SPON1: variants seen among roughly 807,000 people sequenced by gnomAD.
SPON1 encodes the protein spondin-1.
In SPON1, 52 loss-of-function variants were observed where a neutral mutation model predicts 111.7. That is an observed-to-expected ratio of 0.47 (90% confidence interval 0.37 to 0.59). The LOEUF (loss-of-function observed/expected upper bound fraction) is 0.59. Among genes scored for constraint, SPON1 ranks in the 20% least tolerant of loss-of-function variants. The probability of loss-of-function intolerance (pLI) is 0.00; values close to 1 mark genes in which losing one functional copy is unlikely to be tolerated. For synonymous variants in SPON1, 410 were observed against 395.8 expected (o/e 1.04, Z -0.43); for missense variants, 957 against 1,068.5 (o/e 0.90, Z 1.46).
chr11:13,962,944 C>G lies in SPON1; in HGVS notation c.40C>G (p.Pro14Ala). ...SPAPLKLSRT[P>A]ALLALALPLA... The stretch of plus-strand genomic sequence containing the variant: ...GGCGCCCCTGAAGCTGAGCCGGACT[C>G]CGGCACTGCTGGCCCTGGCGCTGCC... The change falls in exon 1 of 16, where the codon CCG (proline) becomes GCG (alanine). Residue 14 changes from proline to alanine, a missense_variant. Coordinates refer to ENST00000576479, the MANE Select transcript of SPON1 (RefSeq NM_006108.4). 1 of 1,580,490 alleles carries G rather than the reference C, an allele frequency of 6.3e-7. No homozygotes were observed. Among genetic ancestry groups the G allele is most frequent in the South Asian group, 1.2e-5 (1 of 86,032 alleles).
intron 6 of SPON1, among the ~76,000 whole-genome samples, chr11:14,237,476 T>C (rs2133915643): frequency 6.6e-6 from 1 of 152,336 alleles, no homozygotes; most frequent in Non-Finnish European, 1.5e-5. Context: ...GAATGTGAGT[T>C]TGGAGTCAGA....
At chr11:14,099,033 A>G (rs1229185037) in intron 5 of SPON1, among the ~76,000 whole-genome samples, 1 of 152,170 alleles carries the variant, frequency 6.6e-6, no homozygotes, top group East Asian at 1.9e-4. Flanking sequence ...CATAATTGAG[A>G]CTTTAAAAGA....
chr11:14,196,803 C>T (rs1054592081), intron 6 of SPON1, among the ~76,000 whole-genome samples: 2 of 152,098 alleles, frequency 1.3e-5, no homozygotes, highest in African/African-American at 4.8e-5. Context: ...TAATCCCAGC[C>T]CTTTGGGAGG....
At chr11:14,160,756 ATATATT>A (rs1847923458) in intron 6 of SPON1, among the ~76,000 whole-genome samples, 1 of 47,318 alleles carries the variant, frequency 2.1e-5, no homozygotes, top group African/African-American at 8.4e-5. Flanking sequence ...ATATATTTAT[ATATATT>A]TATATATTTA....
At chr11:14,075,009 G>A (rs1303919088) in intron 3 of SPON1, among the ~76,000 whole-genome samples, 4 of 152,170 alleles carry the variant, frequency 2.6e-5, no homozygotes, top group African/African-American at 7.2e-5. Context: ...ATGAAAAGTA[G>A]AGTAAAATAA....
At chr11:14,089,730 T>C (rs1849034817) in intron 5 of SPON1, among the ~76,000 whole-genome samples, 1 of 152,158 alleles carries the variant, frequency 6.6e-6, no homozygotes, top group Non-Finnish European at 1.5e-5. Context: ...AATGTTTAAA[T>C]CCGCTGAAGC....
chr11:14,096,810 A>G (rs1369448451), intron 5 of SPON1, among the ~76,000 whole-genome samples: 1 of 152,170 alleles, frequency 6.6e-6, no homozygotes, highest in South Asian at 2.1e-4. Flanking sequence ...TGAGTATGCC[A>G]TCTGTTTCCT....
chr11:14,079,888 G>A lies in SPON1; in HGVS notation c.554-11G>A. The A allele has an allele frequency of 1.9e-6, 3 of 1,613,844 alleles. No homozygotes were observed. Among genetic ancestry groups the A allele is most frequent in the Non-Finnish European group, 1.7e-6 (2 of 1,179,860 alleles). ...TACTTTCTAACTTGGTGACTTTTCT[G>A]ACTGTTTCAGATTCCACATTTGATG... is the stretch of plus-strand genomic sequence containing the variant. On this transcript the variant is annotated splice_polypyrimidine_tract_variant and intron_variant, in intron 4 of 15. Coordinates refer to ENST00000576479, the MANE Select transcript of SPON1 (RefSeq NM_006108.4).
chr11:14,000,982 T>C (rs1408751687), intron 2 of SPON1, among the ~76,000 whole-genome samples: 1 of 152,278 alleles, frequency 6.6e-6, no homozygotes, highest in East Asian at 1.9e-4. Flanking sequence ...TACTGTGACA[T>C]GTGAAGAGCT....
intron 2 of SPON1, among the ~76,000 whole-genome samples, chr11:14,005,905 G>A (rs552938154): frequency 1.3e-5 from 2 of 152,092 alleles, no homozygotes; most frequent in Non-Finnish European, 2.9e-5. Context: ...TCTAAGGCTC[G>A]GTTTCTTCCT....
In SPON1 at chr11:14,127,318, C is replaced by A. The variant is rs200213216; in HGVS notation, c.677-8102C>A. On this transcript the variant is annotated intron_variant, in intron 5 of 15. Transcript: ENST00000576479. The stretch of plus-strand genomic sequence containing the variant: ...CTGACCTCCGAAAAAAAAAAAAAAA[C>A]CCAGTTTTAACTACTTTACCAAAAT... Among the ~76,000 whole-genome samples the A allele has an allele frequency of 2.2e-4, 26 of 117,454 alleles. No individual in the cohort carries two copies. In the East Asian group the frequency reaches 2.5e-3, roughly 11 times the overall value. The allele number at this position is 117,454 out of a possible 152,430, so 77.1% of individuals were successfully genotyped here.
chr11:14,241,108 G>A (rs1469364293), intron 6 of SPON1, among the ~76,000 whole-genome samples: 5 of 152,002 alleles, frequency 3.3e-5, no homozygotes, highest in Non-Finnish European at 5.9e-5. Flanking sequence ...CATGTGCATC[G>A]TAGAAGATCT....
At chr11:14,246,671 G>A (rs1446409360) in intron 7 of SPON1, among the ~76,000 whole-genome samples, 1 of 152,150 alleles carries the variant, frequency 6.6e-6, no homozygotes, top group East Asian at 1.9e-4. Flanking sequence ...TCCTTGATAG[G>A]AGGGTCCCCC....
intron 7 of SPON1, among the ~76,000 whole-genome samples, chr11:14,247,918 A>C (rs1554940368): frequency 1.3e-5 from 2 of 152,198 alleles, no homozygotes; most frequent in Non-Finnish European, 2.9e-5. Flanking sequence ...GGAGCCCTCA[A>C]GGAATGGGAG....
intron 6 of SPON1, among the ~76,000 whole-genome samples, chr11:14,159,046 C>T (rs2133872377): frequency 6.6e-6 from 1 of 152,158 alleles, no homozygotes; most frequent in Admixed American, 6.6e-5. Context: ...TCAAGTGTGA[C>T]TTCCTTCAAT....
chr11:14,075,735 C>T (rs917830394), intron 4 of SPON1, among the ~76,000 whole-genome samples: 3 of 152,086 alleles, frequency 2.0e-5, no homozygotes, highest in Non-Finnish European at 2.9e-5. Context: ...TTAAGGAATG[C>T]ACAATTGTGT....
intron 6 of SPON1, among the ~76,000 whole-genome samples, chr11:14,188,949 T>C (rs1045573750): frequency 6.6e-6 from 1 of 152,246 alleles, no homozygotes; most frequent in African/African-American, 2.4e-5. Flanking sequence ...AAAGTCATGT[T>C]TGAAAGAAAA....
intron 5 of SPON1, among the ~76,000 whole-genome samples, chr11:14,099,315 G>A (rs1444429409): frequency 6.6e-6 from 1 of 152,084 alleles, no homozygotes; most frequent in African/African-American, 2.4e-5. Context: ...CTACTGTTAT[G>A]CTGTTGGTAA....
chr11:14,043,697 G>C (rs1289409221), intron 3 of SPON1, among the ~76,000 whole-genome samples: 1 of 152,134 alleles, frequency 6.6e-6, no homozygotes, highest in Non-Finnish European at 1.5e-5. Flanking sequence ...TCATCCCTCT[G>C]GCCCAGATCT....
Sources: allele counts gnomAD v4.1 joint callset (sites outside exome capture counted in the v4.1 genomes callset), GRCh38; gene constraint gnomAD v4.1.1; transcripts MANE v1.5; gene names NCBI Gene and HGNC (gene_info 2026-07-23, HGNC 2026-07-21).